Variants in NRG3 observed in about 807,000 individuals in gnomAD.
NRG3 encodes pro-neuregulin-3, membrane-bound isoform.
Under a neutral mutation model 66.9 loss-of-function variants are expected in NRG3, and 31 were observed. The observed-to-expected ratio is 0.46, with a 90% CI of 0.35 to 0.63. The LOEUF is 0.63. Ranked by LOEUF, NRG3 falls within the 20% of genes least tolerant of loss-of-function variation. The pLI, the probability that NRG3 is intolerant of heterozygous loss-of-function variation, is 0.00. For synonymous variants in NRG3, 393 were observed against 359.4 expected, an observed-to-expected ratio of 1.09 and a Z score of -1.06; for missense variants, 910 against 878.9, an observed-to-expected ratio of 1.04 and a Z score of -0.45.
At chr10:82,068,979 G>T (rs2133307030) in intron 1 of NRG3, among the ~76,000 whole-genome samples, 1 of 152,292 alleles carries the variant, frequency 6.6e-6, no homozygotes. Flanking sequence ...AATTGTATTT[G>T]AGTTAACAGC....
chr10:82,917,703 T>G (rs1484331437), intron 4 of NRG3, among the ~76,000 whole-genome samples: 1 of 151,998 alleles, frequency 6.6e-6, no homozygotes, highest in African/African-American at 2.4e-5. Flanking sequence ...GGAATAAAGT[T>G]TCTAAATAAT....
At chr10:81,987,282 G>A (rs188024392) in intron 1 of NRG3, among the ~76,000 whole-genome samples, 50 of 152,162 alleles carry the variant, frequency 3.3e-4, no homozygotes, top group African/African-American at 1.1e-3. Flanking sequence ...ACCTGGTTTC[G>A]CCTTGTTGGC....
chr10:82,656,421 A>G (rs1340838427), intron 2 of NRG3, among the ~76,000 whole-genome samples: 1 of 151,906 alleles, frequency 6.6e-6, no homozygotes, highest in Non-Finnish European at 1.5e-5. Context: ...CATTAAACCA[A>G]TTACATAGGT....
chr10:82,571,969 C>G (rs1255613797), intron 2 of NRG3, among the ~76,000 whole-genome samples: 1 of 151,510 alleles, frequency 6.6e-6, no homozygotes, highest in Non-Finnish European at 1.5e-5. Flanking sequence ...TCTTACTTCT[C>G]ATTTTTTTCA....
intron 3 of NRG3, among the ~76,000 whole-genome samples, chr10:82,767,511 C>T (rs956432622): frequency 6.6e-6 from 1 of 152,012 alleles, no homozygotes; most frequent in Non-Finnish European, 1.5e-5. Flanking sequence ...CTATTAAATA[C>T]ACTTTATTAT....
intron 1 of NRG3, among the ~76,000 whole-genome samples, chr10:82,334,011 A>C (rs997334722): frequency 2.6e-5 from 4 of 152,028 alleles, no homozygotes; most frequent in Admixed American, 6.6e-5. Context: ...CCCCGTCTCT[A>C]CTAAAATAAT....
intron 3 of NRG3, among the ~76,000 whole-genome samples, chr10:82,797,959 T>A (rs1177220038): frequency 6.6e-6 from 1 of 152,192 alleles, no homozygotes; most frequent in Non-Finnish European, 1.5e-5. Flanking sequence ...GTGCAGTAAC[T>A]AGTAAAATAA....
chr10:82,658,560 AGAAAAAAAAAAGAGTAT>A (rs2052056720), intron 2 of NRG3, among the ~76,000 whole-genome samples: 2 of 117,136 alleles, frequency 1.7e-5, no homozygotes, highest in South Asian at 5.8e-4. Context: ...TAAAAAAGCC[AGAAAAAAAAAAGAGTAT>A]GTACTAATTG....
intron 1 of NRG3, among the ~76,000 whole-genome samples, chr10:82,050,899 G>A (rs969865054): frequency 2.5e-4 from 38 of 151,770 alleles, no homozygotes; most frequent in African/African-American, 8.5e-4. Flanking sequence ...GTCCTCATGC[G>A]TATCCAGCAT....
chr10:82,974,897 C>G (rs1371398023), intron 7 of NRG3, among the ~76,000 whole-genome samples: 1 of 152,128 alleles, frequency 6.6e-6, no homozygotes, highest in Non-Finnish European at 1.5e-5. Flanking sequence ...TTGTTTCTGG[C>G]CACACTTACT....
At chr10:82,341,182 A>G (rs1475181262) in intron 1 of NRG3, among the ~76,000 whole-genome samples, 1 of 152,166 alleles carries the variant, frequency 6.6e-6, no homozygotes, top group Non-Finnish European at 1.5e-5. Context: ...ATGGGTTCCA[A>G]GATGAATGAA....
At chr10:81,884,975 G>A (rs1392474180) in intron 1 of NRG3, among the ~76,000 whole-genome samples, 2 of 152,044 alleles carry the variant, frequency 1.3e-5, no homozygotes, top group East Asian at 1.9e-4. Flanking sequence ...TTTTAAGTAT[G>A]CAGTATTATA....
At chr10:81,942,242 C>T (rs760156876) in intron 1 of NRG3, among the ~76,000 whole-genome samples, 6 of 151,992 alleles carry the variant, frequency 3.9e-5, no homozygotes, top group Non-Finnish European at 7.4e-5. Flanking sequence ...AACAGAAATG[C>T]GACTGCGTTT....
chr10:82,676,591 C>T (rs1372359887), intron 2 of NRG3, among the ~76,000 whole-genome samples: 2 of 152,074 alleles, frequency 1.3e-5, no homozygotes, highest in Non-Finnish European at 2.9e-5. Context: ...TCAAGCAACT[C>T]TTCTGCCTCA....
intron 2 of NRG3, among the ~76,000 whole-genome samples, chr10:82,680,935 G>C (rs1269464640): frequency 6.6e-6 from 1 of 152,214 alleles, no homozygotes; most frequent in African/African-American, 2.4e-5. Context: ...AGGTTAAGCT[G>C]TTCTGGGCAA....
chr10:82,784,923 C>T (rs897719410), intron 3 of NRG3, among the ~76,000 whole-genome samples: 4 of 152,134 alleles, frequency 2.6e-5, no homozygotes, highest in African/African-American at 7.2e-5. Flanking sequence ...CATTTCATCA[C>T]TATTCACAAT....
chr10:82,675,785 C>T (rs963322120), intron 2 of NRG3, among the ~76,000 whole-genome samples: 7 of 152,334 alleles, frequency 4.6e-5, no homozygotes, highest in Admixed American at 2.6e-4. Flanking sequence ...AGATCTCCCC[C>T]ACTGCCATAA....
At chr10:82,078,799 C>G (rs1359216070) in intron 1 of NRG3, among the ~76,000 whole-genome samples, 1 of 152,118 alleles carries the variant, frequency 6.6e-6, no homozygotes, top group Admixed American at 6.5e-5. Flanking sequence ...TGGTGTGGGG[C>G]TCATAAGTAT....
At chr10:81,877,788 G>A (rs1841807517) in intron 1 of NRG3, 22 of 1,371,922 alleles carry the variant, frequency 1.6e-5, no homozygotes, top group Non-Finnish European at 2.1e-5. Context: ...ATTTTTGAGA[G>A]CACATTTTCC....
Sources: gnomAD v4.1 joint callset for allele counts (sites outside exome capture counted in the v4.1 genomes callset) on GRCh38, gnomAD v4.1.1 for gene constraint, MANE v1.5 for transcripts, NCBI Gene and HGNC (gene_info 2026-07-23, HGNC 2026-07-21) for gene names.